The following USH2A variants were observed in gnomAD, a reference collection of about 807,000 sequenced individuals.
The protein encoded by USH2A is Usher syndrome 2A (autosomal recessive, mild).
Under a neutral mutation model 538.9 loss-of-function variants are expected in USH2A, and 443 were observed. The ratio of observed to expected loss-of-function variants is 0.82; its 90% confidence interval spans 0.76 to 0.89. The LOEUF (loss-of-function observed/expected upper bound fraction) is 0.89. Among genes scored for constraint, USH2A ranks in the 40% least tolerant of loss-of-function variants. The pLI, the probability that USH2A is intolerant of heterozygous loss-of-function variation, is 0.00. For synonymous variants in USH2A, 2,413 were observed against 2,273.5 expected (o/e 1.06, Z -1.75); for missense variants, 6,633 against 6,324.8 (o/e 1.05, Z -1.65).
chr1:216,097,770 T>C (rs12093003), intron 21 of USH2A, among the ~76,000 whole-genome samples: 6,626 of 152,270 alleles, frequency 0.044, 481 homozygotes, highest in African/African-American at 0.15. Context: ...ATACTAGCCC[T>C]GCATATCATA....
At chr1:216,385,851 G>T (rs556681945) in intron 3 of USH2A, among the ~76,000 whole-genome samples, 2 of 152,094 alleles carry the variant, frequency 1.3e-5, no homozygotes, top group African/African-American at 4.8e-5. Context: ...TCACCTTTCT[G>T]CCTTTCTACA....
Position 216,383,633 on chromosome 1 carries a change from G to A in USH2A, c.652-18548C>T, listed in dbSNP as rs565713169. Among the ~76,000 whole-genome samples, 12 of 152,238 alleles carry A rather than the reference G, an allele frequency of 7.9e-5. No homozygotes were observed. In the South Asian group the frequency reaches 1.0e-3, roughly 13 times the overall value. ...TATGGGAGTTAACATAGGATTGTAT[G>A]TCTGAAATTATTATCTTCACGTATA... On this transcript the variant is annotated intron_variant, in intron 3 of 71. Coordinates refer to ENST00000307340, the MANE Select transcript of USH2A (RefSeq NM_206933.4).
intron 11 of USH2A, among the ~76,000 whole-genome samples, chr1:216,258,132 C>G (rs1022447213): frequency 2.6e-5 from 4 of 152,080 alleles, no homozygotes; most frequent in African/African-American, 7.2e-5. Flanking sequence ...TTGTTAGGTA[C>G]TACATATTTC....
intron 63 of USH2A, among the ~76,000 whole-genome samples, chr1:215,671,940 C>G (rs1175448387): frequency 9.2e-5 from 14 of 152,116 alleles, no homozygotes; most frequent in Admixed American, 9.2e-4. Flanking sequence ...CAGCTTAAAA[C>G]AGCCTCCCTT....
chr1:215,863,391 A>G (rs1252009306), intron 44 of USH2A, among the ~76,000 whole-genome samples: 1 of 152,206 alleles, frequency 6.6e-6, no homozygotes, highest in Admixed American at 6.5e-5. Context: ...TTTTTAGAAG[A>G]GATGAGATTT....
intron 15 of USH2A, 44 bp downstream of exon 15, chr1:216,217,343 A>C (rs1035476577): frequency 6.2e-7 from 1 of 1,608,682 alleles, no homozygotes. Flanking sequence ...AGTCCCCTGT[A>C]TGATGCTGCT....
At chr1:216,121,605 C>G (rs545142048) in intron 21 of USH2A, among the ~76,000 whole-genome samples, 1 of 152,180 alleles carries the variant, frequency 6.6e-6, no homozygotes, top group East Asian at 1.9e-4. Flanking sequence ...TCAGGCTATG[C>G]TAATTACTGT....
chr1:216,085,799 C>T (rs2032111951), intron 24 of USH2A, among the ~76,000 whole-genome samples: 1 of 151,756 alleles, frequency 6.6e-6, no homozygotes, highest in Non-Finnish European at 1.5e-5. Context: ...TGAAAACCCT[C>T]TCTAATCTAG....
chr1:216,368,628 T>C (rs1390491202), intron 3 of USH2A, among the ~76,000 whole-genome samples: 6 of 152,232 alleles, frequency 3.9e-5, no homozygotes, highest in Non-Finnish European at 8.8e-5. Context: ...CTCAAGGAGC[T>C]TGTATGTATG....
Position 216,078,286 on chromosome 1 carries a change from C to T in USH2A, c.5375G>A (p.Gly1792Glu), listed in dbSNP as rs527598451. The T allele has an allele frequency of 1.3e-5, 21 of 1,613,636 alleles. No individual in the cohort carries two copies. The East Asian group carries it at 4.2e-4, about 33-fold the overall frequency. Residue 1792 changes from glycine to glutamate, a missense_variant, in exon 27 of 72, where the codon GGG becomes GAG. Physicochemically the swap from Gly to Glu is moderately conservative, Grantham distance 98 (BLOSUM62 -2). Coordinates refer to ENST00000307340, the MANE Select transcript of USH2A (RefSeq NM_206933.4). ...CCACTTTCCATTACAATAGGATAGC[C>T]CCAGCAATAGATCCACTTGTGTAAA... is the stretch of plus-strand genomic sequence containing the variant. Reference protein sequence around the residue: ...LAFTQVDLLLGLSYCNGKWNK... With the variant: ...LAFTQVDLLLELSYCNGKWNK...
intron 3 of USH2A, among the ~76,000 whole-genome samples, chr1:216,369,923 A>AG (rs2038671789): frequency 6.5e-5 from 2 of 30,640 alleles, no homozygotes; most frequent in Non-Finnish European, 2.1e-4. Flanking sequence ...ACTCTGCCAA[A>AG]AAAAAAAAAA....
At chr1:215,972,306 CAGA>C (rs1009741543) in intron 35 of USH2A, among the ~76,000 whole-genome samples, 2 of 152,160 alleles carry the variant, frequency 1.3e-5, no homozygotes, top group African/African-American at 4.8e-5. Context: ...GCATTCCAGA[CAGA>C]AGAAGCATCT....
At chr1:216,400,186 A>T (rs540406386) in intron 3 of USH2A, among the ~76,000 whole-genome samples, 1 of 150,018 alleles carries the variant, frequency 6.7e-6, no homozygotes, top group Admixed American at 6.7e-5. Flanking sequence ...AAGAAAAAAA[A>T]TGAGAGAAAC....
intron 9 of USH2A, among the ~76,000 whole-genome samples, chr1:216,315,052 A>C (rs1021386059): frequency 3.3e-5 from 5 of 152,192 alleles, no homozygotes; most frequent in African/African-American, 1.2e-4. Context: ...TTTTCTTAAA[A>C]CTAGATTCTA....
intron 69 of USH2A, among the ~76,000 whole-genome samples, chr1:215,636,257 A>C (rs1442282739): frequency 6.6e-6 from 1 of 152,198 alleles, no homozygotes; most frequent in African/African-American, 2.4e-5. Flanking sequence ...ACTTAAAGGA[A>C]AAAAGTTCAG....
At chr1:215,708,775 C>T (rs970285528) in intron 61 of USH2A, among the ~76,000 whole-genome samples, 1 of 152,158 alleles carries the variant, frequency 6.6e-6, no homozygotes, top group African/African-American at 2.4e-5. Flanking sequence ...CTCCACTTAC[C>T]TCCTGCTGTG....
chr1:216,187,876 T>C (rs1020273883), intron 20 of USH2A, among the ~76,000 whole-genome samples: 2 of 151,982 alleles, frequency 1.3e-5, no homozygotes, highest in African/African-American at 4.8e-5. Flanking sequence ...ATAATTTATA[T>C]AAGGTCACAC....
At chr1:216,230,700 T>C (rs2035659789) in intron 14 of USH2A, among the ~76,000 whole-genome samples, 1 of 151,894 alleles carries the variant, frequency 6.6e-6, no homozygotes, top group South Asian at 2.1e-4. Flanking sequence ...GCCCAGATAA[T>C]CACAAACCCT....
chr1:216,182,853 A>T (rs1283488572), intron 20 of USH2A, among the ~76,000 whole-genome samples: 1 of 152,090 alleles, frequency 6.6e-6, no homozygotes, highest in African/African-American at 2.4e-5. Context: ...CAATAAAAAC[A>T]TGTTTGCACA....
Sources: gnomAD v4.1 joint callset for allele counts (sites outside exome capture counted in the v4.1 genomes callset) on GRCh38, gnomAD v4.1.1 for gene constraint, MANE v1.5 for transcripts, NCBI Gene and HGNC (gene_info 2026-07-23, HGNC 2026-07-21) for gene names.